Variants in TTC29 observed in about 807,000 individuals in gnomAD.
TTC29 encodes tetratricopeptide repeat domain 29, also known as tetratricopeptide repeat protein 29.
A neutral mutation model predicts 58.1 loss-of-function variants in TTC29; 49 were observed. The ratio of observed to expected loss-of-function variants is 0.84; its 90% CI spans 0.67 to 1.07. The LOEUF (loss-of-function observed/expected upper bound fraction) is 1.07, where lower values mean the gene tolerates loss of function less well. Among genes scored for constraint, TTC29 ranks in the 50% least tolerant of loss-of-function variants. The pLI, the probability that TTC29 is intolerant of heterozygous loss-of-function variation, is 0.00. For missense variants in TTC29, 582 were observed against 555.6 expected, an observed-to-expected ratio of 1.05 and a Z score of -0.48; for synonymous variants, 209 against 196.8, an observed-to-expected ratio of 1.06 and a Z score of -0.52.
intron 10 of TTC29, among the ~76,000 whole-genome samples, chr4:146,814,681 G>A (rs759015879): frequency 1.2e-4 from 16 of 134,886 alleles, no homozygotes; most frequent in Non-Finnish European, 3.1e-5. Context: ...AGCCGAAATT[G>A]TGCCACTGCA....
At chr4:146,733,505 G>T (rs1744498368) in intron 11 of TTC29, among the ~76,000 whole-genome samples, 1 of 151,954 alleles carries the variant, frequency 6.6e-6, no homozygotes, top group Admixed American at 6.6e-5. Context: ...AACACTTTAT[G>T]GACTTTAAGA....
chr4:146,936,343 G>C (rs1170058239), intron 4 of TTC29, among the ~76,000 whole-genome samples: 2 of 152,090 alleles, frequency 1.3e-5, no homozygotes, highest in Non-Finnish European at 2.9e-5. Context: ...ATTATGTGTA[G>C]CATGTTTAGT....
At chr4:146,821,343 G>A (rs1212354573) in intron 9 of TTC29, among the ~76,000 whole-genome samples, 1 of 152,168 alleles carries the variant, frequency 6.6e-6, no homozygotes, top group African/African-American at 2.4e-5. Flanking sequence ...AATTTTTAAA[G>A]TGAGGACTCT....
intron 11 of TTC29, among the ~76,000 whole-genome samples, chr4:146,732,629 C>T (rs993666128): frequency 2.6e-5 from 4 of 151,980 alleles, no homozygotes; most frequent in East Asian, 1.9e-4. Context: ...GAAGACAAGA[C>T]CATTGAAGGA....
At chr4:146,771,017 C>T (rs535426854) in intron 11 of TTC29, among the ~76,000 whole-genome samples, 31 of 152,146 alleles carry the variant, frequency 2.0e-4, no homozygotes, top group African/African-American at 7.5e-4. Flanking sequence ...AAAGTTTTAG[C>T]TGTTATTATG....
intron 4 of TTC29, 104 bp downstream of exon 4, chr4:146,937,490 T>C: frequency 1.4e-6 from 1 of 735,182 alleles, no homozygotes; most frequent in South Asian, 1.8e-5. Context: ...AAATGCCATG[T>C]TCCAATGAAA....
At chr4:146,747,416 TA>T (rs1745630021) in intron 11 of TTC29, among the ~76,000 whole-genome samples, 1 of 152,192 alleles carries the variant, frequency 6.6e-6, no homozygotes, top group Non-Finnish European at 1.5e-5. Context: ...GAGCTTCTGC[TA>T]TGCCCTGCCT....
In TTC29 at chr4:146,892,714, T is replaced by C. The variant is rs1732465754; in HGVS notation, c.586+10830A>G. On this transcript the variant is annotated intron_variant, in intron 6 of 12. Transcript: ENST00000325106. ...TCAGGCAGGAGAAGGAAATAAACGA[T>C]ATTCAATTAGGAAAAGAGGAAGTCA... Among the ~76,000 whole-genome samples, 4 of 152,292 alleles carry C rather than the reference T, an allele frequency of 2.6e-5. No individual in the cohort carries two copies. The East Asian group carries it at 5.8e-4, about 22-fold the overall frequency.
intron 4 of TTC29, among the ~76,000 whole-genome samples, chr4:146,930,376 A>C (rs1258417567): frequency 6.6e-6 from 1 of 152,104 alleles, no homozygotes; most frequent in Non-Finnish European, 1.5e-5. Flanking sequence ...GTTCCCTTCT[A>C]ATCTGGAGGT....
At chr4:146,788,955 T>C (rs1030709199) in intron 11 of TTC29, among the ~76,000 whole-genome samples, 1 of 152,142 alleles carries the variant, frequency 6.6e-6, no homozygotes, top group African/African-American at 2.4e-5. Flanking sequence ...TTTGAACTGA[T>C]TTTTAAATAG....
chr4:146,798,563 C>T (rs912092967), intron 11 of TTC29, among the ~76,000 whole-genome samples: 2 of 151,968 alleles, frequency 1.3e-5, no homozygotes, highest in African/African-American at 4.8e-5. Flanking sequence ...ATAAAATGCT[C>T]ATGAACATCT....
chr4:146,759,364 G>T (rs1009328424), intron 11 of TTC29, among the ~76,000 whole-genome samples: 1 of 151,774 alleles, frequency 6.6e-6, no homozygotes, highest in African/African-American at 2.4e-5. Context: ...ATTCAAAGAA[G>T]AATTGGTACC....
chr4:146,788,560 C>T (rs1340996097), intron 11 of TTC29, among the ~76,000 whole-genome samples: 1 of 152,012 alleles, frequency 6.6e-6, no homozygotes, highest in Non-Finnish European at 1.5e-5. Flanking sequence ...TAAAGAAAAA[C>T]TTCCCACACC....
intron 11 of TTC29, among the ~76,000 whole-genome samples, chr4:146,798,461 G>A (rs545261243): frequency 5.3e-5 from 8 of 152,152 alleles, no homozygotes; most frequent in African/African-American, 1.7e-4. Flanking sequence ...TCTTCCTATA[G>A]TTGTTTAATA....
intron 3 of TTC29, 103 bp from the exon 4 acceptor site, chr4:146,937,780 T>A: frequency 3.3e-6 from 2 of 611,824 alleles, no homozygotes; most frequent in Non-Finnish European, 5.5e-6. Flanking sequence ...CAGGGTATAA[T>A]ACCATATGTA....
chr4:146,719,023 T>C (rs1743157670), intron 11 of TTC29, among the ~76,000 whole-genome samples: 1 of 152,160 alleles, frequency 6.6e-6, no homozygotes, highest in Non-Finnish European at 1.5e-5. Flanking sequence ...TACACACATG[T>C]GTGGGTTGAT....
intron 8 of TTC29, among the ~76,000 whole-genome samples, chr4:146,849,647 C>T (rs1165133108): frequency 6.6e-6 from 1 of 152,050 alleles, no homozygotes; most frequent in African/African-American, 2.4e-5. Flanking sequence ...CATTCCTTTG[C>T]CTGAAATGAA....
At chr4:146,787,723 TATTG>T (rs776507994) in intron 11 of TTC29, among the ~76,000 whole-genome samples, 8 of 152,002 alleles carry the variant, frequency 5.3e-5, no homozygotes, top group Non-Finnish European at 1.2e-4. Context: ...AGTGGGAGGG[TATTG>T]ATTGGAGTAT....
At chr4:146,919,133 C>T (rs1239717690) in intron 4 of TTC29, among the ~76,000 whole-genome samples, 4 of 151,146 alleles carry the variant, frequency 2.6e-5, no homozygotes, top group Non-Finnish European at 6.0e-5. Flanking sequence ...GCCAAAGATT[C>T]CACATGGAAA....
Sources: allele counts gnomAD v4.1 joint callset (sites outside exome capture counted in the v4.1 genomes callset), GRCh38; gene constraint gnomAD v4.1.1; transcripts MANE v1.5; gene names NCBI Gene and HGNC (gene_info 2026-07-23, HGNC 2026-07-21).